CDK14: variants seen among roughly 807,000 people sequenced by gnomAD.
CDK14 encodes the protein cyclin-dependent kinase 14.
CDK14 carries 34 observed loss-of-function variants against 60.7 expected under a neutral mutation model. The ratio of observed to expected loss-of-function variants is 0.56; its 90% confidence interval spans 0.43 to 0.75. The LOEUF (loss-of-function observed/expected upper bound fraction) is 0.75. Among genes scored for constraint, CDK14 ranks in the 30% least tolerant of loss-of-function variants. The pLI is 0.00. For missense variants in CDK14, 482 were observed against 564.1 expected, an observed-to-expected ratio of 0.85 and a Z score of 1.47; for synonymous variants, 197 against 203.7, an observed-to-expected ratio of 0.97 and a Z score of 0.28.
At position 90,853,915 on chromosome 7, in the gene CDK14, G is replaced by A. The variant is rs192880853; in HGVS notation, c.545-9260G>A. On this transcript the variant is annotated intron_variant, in intron 5 of 14. Transcript: ENST00000380050. The stretch of plus-strand genomic sequence containing the variant: ...GCATGATGAGCCTGGAGCTGCGGCT[G>A]TTGCGAATGGTGAATGGTCTGTTTC... Among the ~76,000 whole-genome samples, 11 of 152,278 alleles carry A rather than the reference G, an allele frequency of 7.2e-5. No homozygotes were observed. The East Asian group carries it at 2.1e-3, about 29-fold the overall frequency.
At chr7:90,608,676 G>C (rs1232927101) in intron 2 of CDK14, 1 of 320,444 alleles carries the variant, frequency 3.1e-6, no homozygotes, top group Non-Finnish European at 4.5e-6. Flanking sequence ...CACTTAGTTT[G>C]TTTCCTAAAA....
intron 6 of CDK14, 94 bp downstream of exon 6, chr7:90,863,363 T>C: frequency 1.6e-6 from 1 of 635,704 alleles, no homozygotes; most frequent in Non-Finnish European, 2.7e-6. Context: ...ATTGCTGTAC[T>C]GAAGTTAATA....
chr7:90,629,954 G>T (rs1265885844), intron 2 of CDK14, among the ~76,000 whole-genome samples: 2 of 152,062 alleles, frequency 1.3e-5, no homozygotes, highest in Admixed American at 1.3e-4. Flanking sequence ...TTAAGCCTGG[G>T]AGGCAGAGGT....
At chr7:90,678,743 G>A (rs1419217663) in intron 2 of CDK14, among the ~76,000 whole-genome samples, 1 of 151,986 alleles carries the variant, frequency 6.6e-6, no homozygotes, top group Non-Finnish European at 1.5e-5. Flanking sequence ...TTGGTTCATT[G>A]TTCATTCATT....
At chr7:90,981,332 T>C (rs911778618) in intron 9 of CDK14, among the ~76,000 whole-genome samples, 2 of 152,214 alleles carry the variant, frequency 1.3e-5, no homozygotes, top group Non-Finnish European at 2.9e-5. Flanking sequence ...AAATCTAAAA[T>C]GAAAACAACT....
chr7:90,815,146 C>G (rs1044462365), intron 5 of CDK14, among the ~76,000 whole-genome samples: 2 of 152,082 alleles, frequency 1.3e-5, no homozygotes, highest in African/African-American at 4.8e-5. Flanking sequence ...TAAACTATTG[C>G]CAACTTAGGG....
chr7:91,193,356 A>T (rs1051187454), intron 14 of CDK14, among the ~76,000 whole-genome samples: 1 of 152,166 alleles, frequency 6.6e-6, no homozygotes, highest in Non-Finnish European at 1.5e-5. Flanking sequence ...CTTGGCATTC[A>T]TCTGGTTCTT....
At chr7:90,608,730 T>TG (rs1439130495) in intron 2 of CDK14, among the ~76,000 whole-genome samples, 3 of 152,246 alleles carry the variant, frequency 2.0e-5, no homozygotes, top group African/African-American at 7.2e-5. Flanking sequence ...TCTGCTTTGG[T>TG]GAGTTATTTT....
chr7:90,814,518 C>G (rs1789270845), intron 5 of CDK14, among the ~76,000 whole-genome samples: 1 of 152,170 alleles, frequency 6.6e-6, no homozygotes, highest in Non-Finnish European at 1.5e-5. Flanking sequence ...CGTGGTGGCT[C>G]AATCCTGTAA....
intron 1 of CDK14, among the ~76,000 whole-genome samples, chr7:90,601,372 T>C (rs1202812818): frequency 6.6e-6 from 1 of 152,252 alleles, no homozygotes; most frequent in Non-Finnish European, 1.5e-5. Context: ...AGTTGGTCTT[T>C]GTTGTCACTG....
intron 5 of CDK14, among the ~76,000 whole-genome samples, chr7:90,812,980 A>G (rs957014052): frequency 6.6e-6 from 1 of 152,212 alleles, no homozygotes; most frequent in African/African-American, 2.4e-5. Context: ...TGTTTCCAGT[A>G]TTATTATGCA....
Position 90,596,614 on chromosome 7 carries a change from T to C in CDK14, c.-14T>C, listed in dbSNP as rs7782773. 0.95 allele frequency: 1,528,295 copies of C among 1,607,708 alleles called. 725,851 individuals carry two copies. Among genetic ancestry groups the C allele is most frequent in the East Asian group, 1 (44,774 of 44,786 alleles). ...ACCAGTTTGGGGAAGTTGTCGGGGC[T>C]CCGCGTCGCCCAGATGTGTGACCTC... On this transcript the variant is annotated 5_prime_UTR_variant, in exon 1 of 15. Transcript: ENST00000380050.
chr7:90,721,473 C>A (rs1368502887), intron 2 of CDK14, among the ~76,000 whole-genome samples: 1 of 152,110 alleles, frequency 6.6e-6, no homozygotes, highest in Non-Finnish European at 1.5e-5. Flanking sequence ...AATAAATAAT[C>A]ACAGTTTGAT....
chr7:90,902,628 T>G (rs567967817), intron 7 of CDK14, among the ~76,000 whole-genome samples: 1 of 152,226 alleles, frequency 6.6e-6, no homozygotes, highest in African/African-American at 2.4e-5. Flanking sequence ...AGCTTGAACA[T>G]AAGGCCCAAA....
intron 6 of CDK14, among the ~76,000 whole-genome samples, chr7:90,897,598 CTTTA>C (rs1486364765): frequency 1.3e-5 from 2 of 151,930 alleles, no homozygotes; most frequent in African/African-American, 4.8e-5. Flanking sequence ...TTCTCTCGTT[CTTTA>C]TTTGTCGTTC....
intron 5 of CDK14, among the ~76,000 whole-genome samples, chr7:90,843,258 A>G (rs1158009293): frequency 1.3e-5 from 2 of 152,088 alleles, no homozygotes; most frequent in African/African-American, 2.4e-5. Flanking sequence ...TTTTTCCTTA[A>G]AAAAATTCAC....
chr7:90,787,840 GT>G (rs1805662728), intron 4 of CDK14, among the ~76,000 whole-genome samples: 1 of 152,022 alleles, frequency 6.6e-6, no homozygotes, highest in Non-Finnish European at 1.5e-5. Flanking sequence ...CCTAGGTCTT[GT>G]TTTTTTATGC....
chr7:90,816,059 A>G (rs1421063799), intron 5 of CDK14, among the ~76,000 whole-genome samples: 6 of 151,952 alleles, frequency 3.9e-5, no homozygotes, highest in Non-Finnish European at 7.4e-5. Context: ...TGTTCTATAC[A>G]TGTATCCCAG....
At chr7:90,663,933 A>G (rs1800917246) in intron 2 of CDK14, among the ~76,000 whole-genome samples, 1 of 152,122 alleles carries the variant, frequency 6.6e-6, no homozygotes, top group Non-Finnish European at 1.5e-5. Flanking sequence ...GTGTTGCTTA[A>G]AAATCATGTT....
Sources: allele counts gnomAD v4.1 joint callset (sites outside exome capture counted in the v4.1 genomes callset), GRCh38; gene constraint gnomAD v4.1.1; transcripts MANE v1.5; gene names NCBI Gene and HGNC (gene_info 2026-07-23, HGNC 2026-07-21).